The following INPP4B variants were observed in gnomAD, a reference collection of about 807,000 sequenced individuals.
The protein encoded by INPP4B is inositol polyphosphate 4-phosphatase type II.
A neutral mutation model predicts 122.5 loss-of-function variants in INPP4B; 55 were observed. The observed-to-expected ratio is 0.45, with a 90% CI of 0.36 to 0.56. The LOEUF is 0.56. Ranked by LOEUF, INPP4B falls within the 20% of genes least tolerant of loss-of-function variation. The probability of loss-of-function intolerance (pLI) is 0.00; values close to 1 mark genes in which losing one functional copy is unlikely to be tolerated. For synonymous variants in INPP4B, 403 were observed against 388.7 expected, an observed-to-expected ratio of 1.04 and a Z score of -0.43; for missense variants, 1,000 against 1,097.7, an observed-to-expected ratio of 0.91 and a Z score of 1.26.
intron 4 of INPP4B, 57 bp from the exon 5 acceptor site, chr4:142,429,274 T>A: frequency 2.3e-6 from 2 of 857,048 alleles, no homozygotes; most frequent in South Asian, 3.1e-5. Context: ...CAAGAATATG[T>A]CAATATATAT....
chr4:142,646,727 G>A (rs570042985), intron 2 of INPP4B, among the ~76,000 whole-genome samples: 1 of 152,302 alleles, frequency 6.6e-6, no homozygotes, highest in East Asian at 1.9e-4. Context: ...AATCCCTCAG[G>A]GAGAGGAAAT....
chr4:142,057,786 T>C (rs1019831170), intron 25 of INPP4B, among the ~76,000 whole-genome samples: 7 of 152,166 alleles, frequency 4.6e-5, no homozygotes, highest in Non-Finnish European at 8.8e-5. Context: ...CCCATTCTGC[T>C]TATTAAACAT....
intron 1 of INPP4B, among the ~76,000 whole-genome samples, chr4:142,741,442 C>T (rs1411456773): frequency 6.6e-6 from 1 of 151,922 alleles, no homozygotes; most frequent in African/African-American, 2.4e-5. Flanking sequence ...TATCTGCCCC[C>T]ATGATCCAAT....
At chr4:142,113,124 G>A (rs1195965201) in intron 21 of INPP4B, among the ~76,000 whole-genome samples, 1 of 151,974 alleles carries the variant, frequency 6.6e-6, no homozygotes, top group African/African-American at 2.4e-5. Flanking sequence ...CTATTGATGA[G>A]TGTTTCTGTT....
intron 2 of INPP4B, among the ~76,000 whole-genome samples, chr4:142,554,646 C>T (rs536534551): frequency 2.0e-5 from 3 of 152,160 alleles, no homozygotes; most frequent in African/African-American, 7.2e-5. Flanking sequence ...GAACCTTAAA[C>T]TAGTGTCTTT....
chr4:142,706,820 C>T (rs76863939), intron 2 of INPP4B, among the ~76,000 whole-genome samples: 3,053 of 152,278 alleles, frequency 0.02, 92 homozygotes, highest in African/African-American at 0.067. Flanking sequence ...TGTCTAAAGA[C>T]GCTAAATATT....
intron 10 of INPP4B, among the ~76,000 whole-genome samples, chr4:142,261,861 T>C (rs1740195185): frequency 6.6e-6 from 1 of 152,200 alleles, no homozygotes; most frequent in South Asian, 2.1e-4. Context: ...ACTCAGTAAA[T>C]TTTTTGATGG....
chr4:142,627,721 G>C (rs1228799208), intron 2 of INPP4B, among the ~76,000 whole-genome samples: 2 of 151,284 alleles, frequency 1.3e-5, no homozygotes, highest in Non-Finnish European at 3.0e-5. Context: ...TCTCTTTTTT[G>C]GTTGTGTCTC....
At chr4:142,135,498 T>A (rs897931800) in intron 18 of INPP4B, among the ~76,000 whole-genome samples, 1 of 152,162 alleles carries the variant, frequency 6.6e-6, no homozygotes, top group Non-Finnish European at 1.5e-5. Context: ...ATGTTCTCCA[T>A]GGAAATGACT....
chr4:142,499,921 G>A (rs541978002), intron 2 of INPP4B, among the ~76,000 whole-genome samples: 32 of 151,956 alleles, frequency 2.1e-4, no homozygotes, highest in Non-Finnish European at 1.3e-4. Context: ...CTATCACTCC[G>A]TAATACAACC....
At chr4:142,624,440 T>A (rs1034990719) in intron 2 of INPP4B, among the ~76,000 whole-genome samples, 54 of 151,960 alleles carry the variant, frequency 3.6e-4, no homozygotes, top group Non-Finnish European at 6.3e-4. Flanking sequence ...GTAAATTTGT[T>A]TGAGTTCATT....
At chr4:142,463,399 G>A (rs1256820929) in intron 2 of INPP4B, among the ~76,000 whole-genome samples, 1 of 152,060 alleles carries the variant, frequency 6.6e-6, no homozygotes, top group Non-Finnish European at 1.5e-5. Flanking sequence ...ACACTTCATG[G>A]GTTATACATC....
chr4:142,748,391 C>G (rs1008359604), intron 1 of INPP4B, among the ~76,000 whole-genome samples: 25 of 151,656 alleles, frequency 1.6e-4, no homozygotes, highest in African/African-American at 5.1e-4. Context: ...AAAATCAGAA[C>G]AGAAGCCAAA....
At chr4:142,305,683 A>T in intron 8 of INPP4B, 146 bp from the exon 9 acceptor site, 3 of 1,460,382 alleles carry the variant, frequency 2.1e-6, no homozygotes, top group Non-Finnish European at 2.7e-6. Context: ...AGATAAAATT[A>T]TCAATAATAT....
intron 5 of INPP4B, among the ~76,000 whole-genome samples, chr4:142,406,479 AC>A (rs1289850140): frequency 1.3e-5 from 2 of 152,186 alleles, no homozygotes; most frequent in African/African-American, 4.8e-5. Context: ...TGCAATTATC[AC>A]CTTTCAATTG....
intron 11 of INPP4B, among the ~76,000 whole-genome samples, chr4:142,254,580 G>C (rs1362310817): frequency 6.6e-6 from 1 of 152,154 alleles, no homozygotes; most frequent in Non-Finnish European, 1.5e-5. Context: ...GAGCCGAGGA[G>C]ATCAACTGGA....
At chr4:142,513,791 C>T (rs928897185) in intron 2 of INPP4B, among the ~76,000 whole-genome samples, 1 of 152,168 alleles carries the variant, frequency 6.6e-6, no homozygotes, top group Non-Finnish European at 1.5e-5. Context: ...AGGCCCCCAA[C>T]GCCTAATACC....
intron 2 of INPP4B, among the ~76,000 whole-genome samples, chr4:142,580,188 G>A (rs1228282650): frequency 6.6e-6 from 1 of 151,620 alleles, no homozygotes; most frequent in Non-Finnish European, 1.5e-5. Flanking sequence ...CTAGAAGACT[G>A]GGTGGGGAGA....
At chr4:142,083,101 CAA>C (rs33936815) in intron 24 of INPP4B, among the ~76,000 whole-genome samples, 16 of 126,418 alleles carry the variant, frequency 1.3e-4, no homozygotes, top group East Asian at 4.6e-4. Context: ...CACCCTGTCT[CAA>C]AAAAAAAAAA....
Sources: allele counts gnomAD v4.1 joint callset (sites outside exome capture counted in the v4.1 genomes callset), GRCh38; gene constraint gnomAD v4.1.1; transcripts MANE v1.5; gene names NCBI Gene and HGNC (gene_info 2026-07-23, HGNC 2026-07-21).